Variants in USP34 observed in about 807,000 individuals in gnomAD.
The protein encoded by USP34 is ubiquitin carboxyl-terminal hydrolase 34.
Under a neutral mutation model 460.3 loss-of-function variants are expected in USP34, and 70 were observed. The ratio of observed to expected loss-of-function variants is 0.15; its 90% CI spans 0.13 to 0.19. The LOEUF (loss-of-function observed/expected upper bound fraction) is 0.19, where lower values mean the gene tolerates loss of function less well. Among genes scored for constraint, USP34 ranks in the 10% least tolerant of loss-of-function variants. The pLI, the probability that USP34 is intolerant of heterozygous loss-of-function variation, is 1.00. For missense variants in USP34, 3,985 were observed against 4,236.2 expected, an observed-to-expected ratio of 0.94 and a Z score of 1.65; for synonymous variants, 1,647 against 1,405.3, an observed-to-expected ratio of 1.17 and a Z score of -3.85.
intron 8 of USP34, among the ~76,000 whole-genome samples, chr2:61,373,334 A>G (rs968948514): frequency 6.6e-6 from 1 of 152,084 alleles, no homozygotes; most frequent in Non-Finnish European, 1.5e-5. Context: ...TAGTGAATTA[A>G]GAACTCTAAT....
chr2:61,395,570 G>A (rs1298743623), intron 3 of USP34, among the ~76,000 whole-genome samples: 2 of 147,256 alleles, frequency 1.4e-5, no homozygotes, highest in East Asian at 1.9e-4. Context: ...AGGCCGAGGC[G>A]GGCGGATCAC....
intron 67 of USP34, among the ~76,000 whole-genome samples, chr2:61,216,408 G>T (rs1207124569): frequency 6.6e-6 from 1 of 151,202 alleles, no homozygotes; most frequent in Non-Finnish European, 1.5e-5. Flanking sequence ...AGATCATCCT[G>T]GCTAATATGG....
At chr2:61,408,318 C>G (rs1693941084) in intron 2 of USP34, among the ~76,000 whole-genome samples, 1 of 152,032 alleles carries the variant, frequency 6.6e-6, no homozygotes, top group Admixed American at 6.6e-5. Flanking sequence ...CCCATTGAAA[C>G]TTTGAGGATA....
intron 10 of USP34, among the ~76,000 whole-genome samples, chr2:61,365,591 G>C (rs1026196531): frequency 1.3e-5 from 2 of 151,878 alleles, no homozygotes; most frequent in Non-Finnish European, 2.9e-5. Flanking sequence ...AAATCCATAA[G>C]AATAAATACA....
At chr2:61,402,257 G>A (rs571112421) in intron 3 of USP34, among the ~76,000 whole-genome samples, 2 of 152,088 alleles carry the variant, frequency 1.3e-5, no homozygotes, top group Non-Finnish European at 2.9e-5. Context: ...TCCAGCCTGG[G>A]AGACAGAGCA....
chr2:61,453,371 G>A (rs754502791), intron 1 of USP34, among the ~76,000 whole-genome samples: 1 of 151,106 alleles, frequency 6.6e-6, no homozygotes, highest in African/African-American at 2.4e-5. Context: ...CCATGGTCAC[G>A]CCACTGTACT....
Position 61,190,656 on chromosome 2 carries a change from A to G in USP34, c.9591T>C (p.Ser3197=), listed in dbSNP as rs184628441. ...GCTTGATGCAGTTTTTTGACATAGCAGACTAAAGTGGGGAGAAGATGGTTG... is the reference window on the plus strand; with the variant it reads ...GCTTGATGCAGTTTTTTGACATAGCGGACTAAAGTGGGGAGAAGATGGTTG... ...KLWTELCQTQ[S]AMSKNCIKLL... Residue 3197 remains serine (S), a splice_region_variant and synonymous_variant, in exon 77 of 80, where the codon TCT becomes TCC. Coordinates refer to ENST00000398571, the MANE Select transcript of USP34 (RefSeq NM_014709.4). The G allele has an allele frequency of 1.2e-5, 20 of 1,612,750 alleles. No homozygotes were observed. Among genetic ancestry groups the G allele is most frequent in the Non-Finnish European group, 1.7e-5 (20 of 1,179,570 alleles).
At chr2:61,239,741 G>C (rs1400796374) in intron 53 of USP34, among the ~76,000 whole-genome samples, 2 of 152,172 alleles carry the variant, frequency 1.3e-5, no homozygotes, top group Non-Finnish European at 2.9e-5. Flanking sequence ...AAGCATTTGA[G>C]AACAATCCTG....
chr2:61,330,032 A>G (rs1691212469), intron 20 of USP34, among the ~76,000 whole-genome samples: 2 of 152,186 alleles, frequency 1.3e-5, no homozygotes, highest in South Asian at 4.1e-4. Context: ...GTGTTTGCGG[A>G]AATGTCAACT....
intron 1 of USP34, among the ~76,000 whole-genome samples, chr2:61,450,950 T>G (rs917402330): frequency 2.7e-5 from 4 of 149,298 alleles, no homozygotes; most frequent in African/African-American, 9.9e-5. Flanking sequence ...CCAGGCACGG[T>G]GGCTCACACC....
At position 61,331,384 on chromosome 2, in the gene USP34, A is replaced by G; in HGVS notation, c.2835-13T>C. ...TTTTTCTGCCCACCTGGCCCAAATA[A>G]AAGAAAAAATAATTTTAAAGTGGGC... On this transcript the variant is annotated splice_polypyrimidine_tract_variant and intron_variant, in intron 19 of 79. Coordinates refer to ENST00000398571, the MANE Select transcript of USP34 (RefSeq NM_014709.4). The G allele has an allele frequency of 6.2e-7, 1 of 1,604,588 alleles. No homozygotes were observed. Among genetic ancestry groups the G allele is most frequent in the Non-Finnish European group, 8.5e-7 (1 of 1,176,318 alleles).
intron 57 of USP34, among the ~76,000 whole-genome samples, chr2:61,233,691 G>A (rs1380893538): frequency 6.6e-6 from 1 of 151,972 alleles, no homozygotes; most frequent in Non-Finnish European, 1.5e-5. Context: ...TGAGTGTGTT[G>A]GTATGTGCCT....
chr2:61,400,437 G>C (rs1449853947), intron 3 of USP34, among the ~76,000 whole-genome samples: 1 of 152,124 alleles, frequency 6.6e-6, no homozygotes, highest in Non-Finnish European at 1.5e-5. Flanking sequence ...TGTAAATTAA[G>C]AAAATGCTGC....
intron 1 of USP34, among the ~76,000 whole-genome samples, chr2:61,465,523 C>T (rs1019868698): frequency 3.9e-5 from 6 of 152,224 alleles, no homozygotes; most frequent in African/African-American, 1.2e-4. Flanking sequence ...ATACTACCCA[C>T]ACTTGTGTCT....
chr2:61,349,030 T>G, intron 13 of USP34, 144 bp from the exon 14 acceptor site: 1 of 1,130,764 alleles, frequency 8.8e-7, no homozygotes, highest in Non-Finnish European at 1.2e-6. Context: ...TATGTTAACA[T>G]TTGCTCATGA....
intron 1 of USP34, among the ~76,000 whole-genome samples, chr2:61,439,343 A>T (rs1383727124): frequency 6.6e-6 from 1 of 152,104 alleles, no homozygotes; most frequent in Non-Finnish European, 1.5e-5. Context: ...AAGAACACTC[A>T]GGTATGTGCA....
rs1418731545 is a variant in USP34, at chr2:61,232,520, G to A, written c.7045C>T (p.Arg2349Cys). The A allele has an allele frequency of 1.2e-6, 2 of 1,606,562 alleles. No individual in the cohort carries two copies. Among genetic ancestry groups the A allele is most frequent in the Non-Finnish European group, 1.7e-6 (2 of 1,178,134 alleles). Reference protein sequence around the residue: ...SQAACEWFLDRMADDDWWPMQ... With the variant: ...SQAACEWFLDCMADDDWWPMQ... ...GGCCACCAGTCGTCATCAGCCATAC[G>A]ATCTAAAAACCACTGTTAAAAAAAA... is the stretch of plus-strand genomic sequence containing the variant. Residue 2349 changes from arginine (R) to cysteine (C), a missense_variant, in exon 58 of 80, where the codon CGT becomes TGT. Around this residue, in one of 14 missense-constraint regions of USP34, gnomAD observed 604 missense variants for 684.8 expected, o/e 0.88. Coordinates refer to ENST00000398571, the MANE Select transcript of USP34 (RefSeq NM_014709.4).
Position 61,220,330 on chromosome 2 carries a change from T to A in USP34, c.8027A>T (p.Asn2676Ile). The change falls in exon 67 of 80, where the codon AAT (asparagine) becomes ATT (isoleucine). Residue 2676 changes from asparagine (N) to isoleucine (I), a missense_variant. Coordinates refer to ENST00000398571, the MANE Select transcript of USP34 (RefSeq NM_014709.4). ...CTTACAAGTCCTCACTCTAGGATAA[T>A]TGTGAGCCAAAAGAAACCGCTCGAC... ...NWVERFLLAH[N>I]YPRVRTSAAY... 1 of 1,613,716 alleles carries A rather than the reference T, an allele frequency of 6.2e-7. No homozygotes were observed. Among genetic ancestry groups the A allele is most frequent in the East Asian group, 2.2e-5 (1 of 44,858 alleles).
chr2:61,344,074 A>G (rs1177439295), intron 15 of USP34, 45 bp from the exon 16 acceptor site: 1 of 1,582,064 alleles, frequency 6.3e-7, no homozygotes, highest in South Asian at 1.1e-5. Context: ...ACGAATGTGA[A>G]TCTAATTTGT....
Sources: gnomAD v4.1 joint callset for allele counts (sites outside exome capture counted in the v4.1 genomes callset) on GRCh38, gnomAD v4.1.1 for gene constraint, gnomAD v4.1.1 regional missense constraint, MANE v1.5 for transcripts, NCBI Gene and HGNC (gene_info 2026-07-23, HGNC 2026-07-21) for gene names.